MIPOL1: variants seen among roughly 807,000 people sequenced by gnomAD.
MIPOL1 encodes mirror-image polydactyly 1, also known as mirror-image polydactyly gene 1 protein.
A neutral mutation model predicts 60.9 loss-of-function variants in MIPOL1; 57 were observed. The observed-to-expected ratio is 0.94, with a 90% CI of 0.76 to 1.17. The LOEUF (loss-of-function observed/expected upper bound fraction) is 1.17, where lower values mean the gene tolerates loss of function less well. MIPOL1 is among the 50% of genes most tolerant of loss of function. The pLI, the probability that MIPOL1 is intolerant of heterozygous loss-of-function variation, is 0.00. For missense variants in MIPOL1, 551 were observed against 511.6 expected (o/e 1.08, Z -0.74); for synonymous variants, 179 against 168.8 (o/e 1.06, Z -0.47).
At chr14:37,442,705 T>TA (rs199794290) in intron 11 of MIPOL1, among the ~76,000 whole-genome samples, 48 of 151,002 alleles carry the variant, frequency 3.2e-4, no homozygotes, top group Non-Finnish European at 4.7e-4. Flanking sequence ...GAAGGTACCA[T>TA]AAAAAAAAGA....
intron 9 of MIPOL1, among the ~76,000 whole-genome samples, chr14:37,348,636 A>G (rs1282605906): frequency 1.3e-5 from 2 of 151,650 alleles, no homozygotes; most frequent in Non-Finnish European, 2.9e-5. Flanking sequence ...TATATATTAT[A>G]TATTAAGGTC....
chr14:37,436,152 A>G (rs1315003690), intron 11 of MIPOL1, among the ~76,000 whole-genome samples: 1 of 152,178 alleles, frequency 6.6e-6, no homozygotes, highest in Admixed American at 6.5e-5. Flanking sequence ...AAAGTAAAAT[A>G]AGATGTTAAA....
chr14:37,304,049 T>C (rs2086571694), intron 7 of MIPOL1, among the ~76,000 whole-genome samples: 1 of 151,836 alleles, frequency 6.6e-6, no homozygotes, highest in Admixed American at 6.6e-5. Context: ...CAAGAGTGTG[T>C]TTTAGAGTAC....
intron 11 of MIPOL1, among the ~76,000 whole-genome samples, chr14:37,424,543 A>G (rs892142663): frequency 1.6e-4 from 24 of 152,190 alleles, no homozygotes; most frequent in African/African-American, 4.6e-4. Flanking sequence ...CCAGACTTCT[A>G]TAGTTTCCAG....
At chr14:37,450,331 T>C (rs2094142318) in intron 11 of MIPOL1, among the ~76,000 whole-genome samples, 1 of 152,196 alleles carries the variant, frequency 6.6e-6, no homozygotes, top group South Asian at 2.1e-4. Context: ...ATTCTGTATC[T>C]TCTATCTTGC....
chr14:37,364,040 A>G (rs2092383846), intron 9 of MIPOL1, among the ~76,000 whole-genome samples: 1 of 152,146 alleles, frequency 6.6e-6, no homozygotes, highest in African/African-American at 2.4e-5. Flanking sequence ...ACAGTCTGTT[A>G]CTGCTTCCCT....
At chr14:37,536,441 T>C (rs2095506729) in intron 12 of MIPOL1, among the ~76,000 whole-genome samples, 1 of 152,180 alleles carries the variant, frequency 6.6e-6, no homozygotes, top group Non-Finnish European at 1.5e-5. Flanking sequence ...CGTATTTGAG[T>C]TAAAGCTTTG....
Position 37,463,381 on chromosome 14 carries a change from A to G in MIPOL1, c.1032-36527A>G, listed in dbSNP as rs984473854. On this transcript the variant is annotated intron_variant, in intron 11 of 12. Coordinates refer to ENST00000684589, the MANE Select transcript of MIPOL1 (RefSeq NM_001388067.1). ...AGATTTGGGTGGGGACACAGAGCCA[A>G]ATTATATCAGTACAGATAGAAAAAT... Among the ~76,000 whole-genome samples the G allele has an allele frequency of 2.2e-4, 34 of 152,218 alleles. 1 individual carries two copies. The highest frequency in any genetic ancestry group is 4.4e-5 in the Non-Finnish European group (3 of 68,046).
At chr14:37,320,050 A>AT (rs1425909678) in intron 9 of MIPOL1, among the ~76,000 whole-genome samples, 2 of 152,198 alleles carry the variant, frequency 1.3e-5, no homozygotes, top group Non-Finnish European at 2.9e-5. Context: ...CATATTAAAC[A>AT]TGTTAAACAG....
At chr14:37,221,652 A>C (rs1043343163) in intron 1 of MIPOL1, among the ~76,000 whole-genome samples, 1 of 152,152 alleles carries the variant, frequency 6.6e-6, no homozygotes, top group Non-Finnish European at 1.5e-5. Context: ...GAAGTGCTAT[A>C]CACTTTAAAA....
intron 10 of MIPOL1, among the ~76,000 whole-genome samples, chr14:37,408,501 G>A (rs2093629562): frequency 6.6e-6 from 1 of 152,080 alleles, no homozygotes; most frequent in East Asian, 1.9e-4. Context: ...GTGGTGGCAT[G>A]TACCTATAGT....
intron 9 of MIPOL1, among the ~76,000 whole-genome samples, chr14:37,354,265 TGA>T (rs1306500490): frequency 6.6e-6 from 1 of 150,776 alleles, no homozygotes; most frequent in Non-Finnish European, 1.5e-5. Flanking sequence ...CACTGTGGTC[TGA>T]GAGATAGTTT....
chr14:37,372,394 G>T (rs900195194), intron 10 of MIPOL1, among the ~76,000 whole-genome samples: 1 of 151,988 alleles, frequency 6.6e-6, no homozygotes, highest in Non-Finnish European at 1.5e-5. Flanking sequence ...TTATGGTAGA[G>T]ACTAAGATTA....
intron 9 of MIPOL1, among the ~76,000 whole-genome samples, chr14:37,348,794 C>T (rs575045724): frequency 6.7e-6 from 1 of 150,132 alleles, no homozygotes; most frequent in Non-Finnish European, 1.5e-5. Flanking sequence ...CCTTCTCCTT[C>T]CCTTCCCTTA....
intron 9 of MIPOL1, among the ~76,000 whole-genome samples, chr14:37,362,558 A>G (rs989448803): frequency 1.1e-4 from 16 of 151,722 alleles, no homozygotes; most frequent in African/African-American, 3.6e-4. Flanking sequence ...CTTTATTTCA[A>G]CCTTGGTGAA....
At chr14:37,291,609 G>C (rs2085062530) in intron 7 of MIPOL1, among the ~76,000 whole-genome samples, 1 of 151,886 alleles carries the variant, frequency 6.6e-6, no homozygotes, top group Admixed American at 6.6e-5. Flanking sequence ...TTTCCCTTGT[G>C]TCTTATTTCA....
chr14:37,239,048 A>ATTT (rs569559063), intron 1 of MIPOL1, among the ~76,000 whole-genome samples: 8 of 134,138 alleles, frequency 6.0e-5, no homozygotes, highest in African/African-American at 1.8e-4. Flanking sequence ...ACATTGCTTA[A>ATTT]TTTTTTTTTT....
In MIPOL1 at chr14:37,423,037, A is replaced by G; in HGVS notation, c.1031+88A>G. On this transcript the variant is annotated intron_variant, in intron 11 of 12. Transcript: ENST00000684589. The stretch of plus-strand genomic sequence containing the variant: ...ATTTTACAATAGTGAATGAGGAAAT[A>G]CCTCAATGAAATTAAATATTATGCA... The G allele has an allele frequency of 7.8e-6, 6 of 766,602 alleles. No homozygotes were observed. The South Asian group carries it at 1.1e-4, about 14-fold the overall frequency. The allele number at this position is 766,602 out of a possible 1,614,324, so 47.5% of individuals were successfully genotyped here.
At chr14:37,452,080 G>T (rs1466101884) in intron 11 of MIPOL1, among the ~76,000 whole-genome samples, 4 of 151,868 alleles carry the variant, frequency 2.6e-5, no homozygotes, top group Non-Finnish European at 5.9e-5. Context: ...CTCCCAAAGT[G>T]CTGGGATTAC....
Sources: gnomAD v4.1 joint callset for allele counts (sites outside exome capture counted in the v4.1 genomes callset) on GRCh38, gnomAD v4.1.1 for gene constraint, MANE v1.5 for transcripts, NCBI Gene and HGNC (gene_info 2026-07-23, HGNC 2026-07-21) for gene names.